The following DSP variants were observed in gnomAD, a reference collection of about 807,000 sequenced individuals.
DSP encodes the protein desmoplakin, also known as 250/210 kDa paraneoplastic pemphigus antigen.
Under a neutral mutation model 290.6 loss-of-function variants are expected in DSP, and 114 were observed. The ratio of observed to expected loss-of-function variants is 0.39; its 90% CI spans 0.34 to 0.46. The LOEUF is 0.46. Ranked by LOEUF, DSP falls within the 20% of genes least tolerant of loss-of-function variation. DSP has a pLI of 0.99. For synonymous variants in DSP, 1,311 were observed against 1,316.4 expected, an observed-to-expected ratio of 1.00 and a Z score of 0.09; for missense variants, 3,230 against 3,495.8, an observed-to-expected ratio of 0.92 and a Z score of 1.92.
rs191044839 is a variant in DSP at position 7,571,046 on chromosome 6, G to A, written c.1702-337G>A. Among the ~76,000 whole-genome samples the A allele has an allele frequency of 2.9e-4, 44 of 152,262 alleles. No homozygotes were observed. In the East Asian group the frequency reaches 5.8e-3, roughly 20 times the overall value. On this transcript the variant is annotated intron_variant, in intron 13 of 23. Transcript: ENST00000379802. ...AGTGACAGGGATGGAAGTGAGGAGA[G>A]GGGCACAGAAAGTACCTTTTGGGGT...
rs775772329 is a variant in DSP at position 7,577,878 on chromosome 6, C to G, written c.2977C>G (p.Leu993Val). The change falls in exon 21 of 24, where the codon CTG (leucine) becomes GTG (valine). Residue 993 changes from leucine to valine, a missense_variant. By Grantham distance (32) the Leu-to-Val change is conservative. Around this residue, in one of 5 missense-constraint regions of DSP, gnomAD observed 1,714 missense variants for 1,844.5 expected, o/e 0.93. Coordinates refer to ENST00000379802, the MANE Select transcript of DSP (RefSeq NM_004415.4). ...GATTCAGTCCCCTTCTGGGGTGATTCTGCAAGAGGTATATATGTCATCACA... is the reference window on the plus strand; with the variant it reads ...GATTCAGTCCCCTTCTGGGGTGATTGTGCAAGAGGTATATATGTCATCACA... ...TMIQSPSGVI[L>V]QEAADVHARY... 1.9e-6 allele frequency: 3 copies of G among 1,613,408 alleles called. No individual in the cohort carries two copies. The highest frequency in any genetic ancestry group is 2.2e-5 in the South Asian group (2 of 91,062).
intron 1 of DSP, among the ~76,000 whole-genome samples, chr6:7,554,123 A>ACACACACACACACACACACACACACACC (rs1364448993): frequency 6.6e-6 from 1 of 150,756 alleles, no homozygotes; most frequent in African/African-American, 2.5e-5. Flanking sequence ...ACACACACAC[A>ACACACACACACACACACACACACACACC]CACCCAGTTG....
In DSP at chr6:7,571,152, C is replaced by T. The variant is rs112085736; in HGVS notation, c.1702-231C>T. 7.7e-4 allele frequency among the ~76,000 whole-genome samples: 112 copies of T among 146,208 alleles called. 1 individual carries two copies. Among genetic ancestry groups the T allele is most frequent in the African/African-American group, 2.6e-3 (101 of 39,404 alleles). The stretch of plus-strand genomic sequence containing the variant: ...CATTTAGGGCTTCTGAATAATATTT[C>T]GTTGAAGAAAAATATTCTGTAGGCA... On this transcript the variant is annotated intron_variant, in intron 13 of 23. Coordinates refer to ENST00000379802, the MANE Select transcript of DSP (RefSeq NM_004415.4).
Position 7,549,439 on chromosome 6 carries a change from G to A in DSP, c.171-6279G>A, listed in dbSNP as rs541599809. ...GTTGGGATTACAGGCGTGAGCCACC[G>A]TACCCGGCTAGTGAATCTTAGAGGT... On this transcript the variant is annotated intron_variant, in intron 1 of 23. Coordinates refer to ENST00000379802, the MANE Select transcript of DSP (RefSeq NM_004415.4). Among the ~76,000 whole-genome samples the A allele has an allele frequency of 1.7e-3, 253 of 152,298 alleles. 2 individuals are homozygous for A. The highest frequency in any genetic ancestry group is 4.0e-3 in the African/African-American group (166 of 41,566).
rs1759393186 is a variant in DSP, at chr6:7,580,466, G to A, written c.4276G>A (p.Val1426Met). Residue 1426 changes from valine (V) to methionine (M), a missense_variant, in exon 23 of 24, where the codon GTG becomes ATG. Val to Met is a conservative substitution (Grantham distance 21, BLOSUM62 1). Around this residue, in one of 5 missense-constraint regions of DSP, gnomAD observed 1,714 missense variants for 1,844.5 expected, o/e 0.93. Coordinates refer to ENST00000379802, the MANE Select transcript of DSP (RefSeq NM_004415.4). This position sits in a 1 kb window ranked among gnomAD's most constrained non-coding sequence, Gnocchi z 4.2. ...LTQTTENLRR[V>M]EEDIQQQKAT... The stretch of plus-strand genomic sequence containing the variant: ...CCAGACCACAGAGAATCTCAGGAGG[G>A]TGGAAGAAGACATCCAACAGCAAAA... The A allele has an allele frequency of 6.2e-7, 1 of 1,614,080 alleles. No individual in the cohort carries two copies. Among genetic ancestry groups the A allele is most frequent in the East Asian group, 2.2e-5 (1 of 44,870 alleles).
At chr6:7,576,484 T>C in intron 19 of DSP, 28 bp downstream of exon 19, 1 of 1,613,804 alleles carries the variant, frequency 6.2e-7, no homozygotes, top group Non-Finnish European at 8.5e-7. Flanking sequence ...GTTCCATAGC[T>C]GTTTTGAGAT....
chr6:7,562,823 C>T lies in DSP; in HGVS notation c.726+43C>T, dbSNP rs182623208. The T allele has an allele frequency of 6.4e-4, 1,024 of 1,612,350 alleles. 9 individuals are homozygous for T. In the African/African-American group the frequency reaches 0.012, roughly 18 times the overall value. On this transcript the variant is annotated intron_variant, in intron 5 of 23. Coordinates refer to ENST00000379802, the MANE Select transcript of DSP (RefSeq NM_004415.4). The stretch of plus-strand genomic sequence containing the variant: ...ATTTTAGAGTCTTCAAAATATCTAC[C>T]GAAGGATCGTGTAATTACTCAATCC...
chr6:7,580,901 C>T lies in DSP; in HGVS notation c.4711C>T (p.Gln1571Ter). ...NSLKELQLQK[Q>*]KVEEELNRLK... ...TCTGAAAGAGCTGCAGCTGCAGAAG[C>T]AGAAGGTGGAAGAGGAGCTGAATCG... The change falls in exon 23 of 24, where the codon CAG becomes TAG. Residue 1571 changes from glutamine (Q) to a stop codon, truncating the protein, a stop_gained. Transcript: ENST00000379802. LOFTEE classifies it high-confidence loss of function. The surrounding 1 kb of genome is among the most constrained non-coding windows in gnomAD (Gnocchi z 4.2). The T allele has an allele frequency of 1.9e-6, 3 of 1,614,104 alleles. No individual in the cohort carries two copies. The highest frequency in any genetic ancestry group is 1.1e-5 in the South Asian group (1 of 91,076).
chr6:7,565,373 G>A lies in DSP; in HGVS notation c.792G>A (p.Glu264=). The change falls in exon 7 of 24, where the codon GAG becomes GAA. Residue 264 remains glutamate (E), a synonymous_variant. Transcript: ENST00000379802. The surrounding 1 kb of genome is among the most constrained non-coding windows in gnomAD (Gnocchi z 4.2). ...CTCCTGTGCAGAAAGCGTCCTTTGA[G>A]AGGATGGATCACCTGCGACAGCTGC... The part of the protein sequence containing the change: ...EYENLLKASF[E]RMDHLRQLQN... The A allele has an allele frequency of 6.2e-7, 1 of 1,614,082 alleles. No individual in the cohort carries two copies. Among genetic ancestry groups the A allele is most frequent in the Non-Finnish European group, 8.5e-7 (1 of 1,180,010 alleles).
chr6:7,556,831 T>C (rs1281686038), intron 2 of DSP, among the ~76,000 whole-genome samples: 2 of 152,196 alleles, frequency 1.3e-5, no homozygotes, highest in Non-Finnish European at 2.9e-5. Flanking sequence ...ATTTGAAACA[T>C]ACTCCTTGAA....
Position 7,580,662 on chromosome 6 carries a change from A to ACAAAGAAACAAATGACCGGAAAT in DSP, c.4473_4495dup (p.Cys1499SerfsTer35). 6.2e-7 allele frequency: 1 copy of ACAAAGAAACAAATGACCGGAAAT among 1,614,110 alleles called. No individual in the cohort carries two copies. The highest frequency in any genetic ancestry group is 8.5e-7 in the Non-Finnish European group (1 of 1,180,040). ...ATAGAAAGGTTAAAACAACTGATCG[A>ACAAAGAAACAAATGACCGGAAAT]CAAAGAAACAAATGACCGGAAATGC... On this transcript the variant is annotated frameshift_variant, in exon 23 of 24. Coordinates refer to ENST00000379802, the MANE Select transcript of DSP (RefSeq NM_004415.4). LOFTEE classifies it high-confidence loss of function. This position sits in a 1 kb window ranked among gnomAD's most constrained non-coding sequence, Gnocchi z 4.2.
In DSP at chr6:7,575,407, A is replaced by ATCT. The variant is rs730880373; in HGVS notation, c.2550_2552dup (p.Leu851dup). 1.1e-4 allele frequency: 177 copies of ATCT among 1,614,174 alleles called. No homozygotes were observed. The highest frequency in any genetic ancestry group is 1.5e-4 in the Non-Finnish European group (176 of 1,180,040). On this transcript the variant is annotated inframe_insertion, in exon 18 of 24. Coordinates refer to ENST00000379802, the MANE Select transcript of DSP (RefSeq NM_004415.4). Reference sequence around the variant, plus strand: ...ACTTCACAGCAGTATCCACTTTATGATCTGGACTTGGGCAAGTTCGGTGAA... The same window carrying ATCT: ...ACTTCACAGCAGTATCCACTTTATGATCTTCTGGACTTGGGCAAGTTCGGTGAA...
At chr6:7,574,919 A>G in intron 17 of DSP, 124 bp downstream of exon 17, 4 of 1,294,828 alleles carry the variant, frequency 3.1e-6, no homozygotes, top group Non-Finnish European at 4.4e-6. Context: ...GTGGCCACAC[A>G]GGTTGACATC....
Position 7,559,543 on chromosome 6 carries a change from T to G in DSP, c.597+143T>G, listed in dbSNP as rs929411939. 5.8e-6 allele frequency: 6 copies of G among 1,031,410 alleles called. No homozygotes were observed. The African/African-American group carries it at 7.9e-5, about 14-fold the overall frequency. The allele number at this position is 1,031,410 out of a possible 1,614,324, so 63.9% of individuals were successfully genotyped here. On this transcript the variant is annotated intron_variant, in intron 4 of 23. Coordinates refer to ENST00000379802, the MANE Select transcript of DSP (RefSeq NM_004415.4). ...TGCTGTTTGCAGGATTTTCCTCCTATACAATTTGAAAAGTGGTCTTCTATT... is the reference window on the plus strand; with the variant it reads ...TGCTGTTTGCAGGATTTTCCTCCTAGACAATTTGAAAAGTGGTCTTCTATT...
intron 15 of DSP, among the ~76,000 whole-genome samples, chr6:7,573,494 C>T (rs1295232141): frequency 6.6e-6 from 1 of 151,806 alleles, no homozygotes; most frequent in African/African-American, 2.4e-5. Context: ...AGGAGAATCG[C>T]TTGAACCCAG....
intron 19 of DSP, 88 bp downstream of exon 19, chr6:7,576,544 G>C: frequency 1.3e-6 from 2 of 1,526,412 alleles, no homozygotes; most frequent in Non-Finnish European, 1.8e-6. Flanking sequence ...CAGTGCCTAG[G>C]TTTGAAATGA....
At chr6:7,569,424 T>C (rs1401181381) in intron 12 of DSP, 84 bp downstream of exon 12, 1 of 1,594,774 alleles carries the variant, frequency 6.3e-7, no homozygotes, top group Non-Finnish European at 8.6e-7. Context: ...TACCTGAAGC[T>C]TAGACACACG....
chr6:7,571,800 T>G (rs774024348), intron 14 of DSP, 42 bp from the exon 15 acceptor site: 1 of 1,593,710 alleles, frequency 6.3e-7, no homozygotes, highest in Non-Finnish European at 8.6e-7. Flanking sequence ...CCTTGATACC[T>G]AGGTATTCTC....
intron 1 of DSP, among the ~76,000 whole-genome samples, chr6:7,542,397 C>G (rs939367167): frequency 1.3e-5 from 2 of 152,184 alleles, no homozygotes; most frequent in African/African-American, 4.8e-5. Flanking sequence ...GCTGCAGCCG[C>G]CTTTGTCCCA....
Sources: allele counts gnomAD v4.1 joint callset (sites outside exome capture counted in the v4.1 genomes callset), GRCh38; gene constraint gnomAD v4.1.1; regional missense constraint gnomAD v4.1.1; non-coding constraint Gnocchi (gnomAD v3.1); transcripts MANE v1.5; gene names NCBI Gene and HGNC (gene_info 2026-07-23, HGNC 2026-07-21).